Variants in DENND1A observed in about 807,000 individuals in gnomAD.
DENND1A encodes DENN domain-containing protein 1A.
Under a neutral mutation model 113.7 loss-of-function variants are expected in DENND1A, and 51 were observed. The observed-to-expected ratio is 0.45, with a 90% confidence interval of 0.36 to 0.57. The LOEUF is 0.57. Ranked by LOEUF, DENND1A falls within the 20% of genes least tolerant of loss-of-function variation. The pLI, the probability that DENND1A is intolerant of heterozygous loss-of-function variation, is 0.00. For synonymous variants in DENND1A, 565 were observed against 570.8 expected (o/e 0.99, Z 0.14); for missense variants, 1,258 against 1,395.9 (o/e 0.90, Z 1.57).
intron 2 of DENND1A, among the ~76,000 whole-genome samples, chr9:123,831,779 T>C (rs2132786921): frequency 1.3e-5 from 2 of 152,294 alleles, no homozygotes; most frequent in South Asian, 4.1e-4. Context: ...GGTCAGGTGT[T>C]CAAGACCAGC....
intron 2 of DENND1A, among the ~76,000 whole-genome samples, chr9:123,846,698 G>A (rs1842671141): frequency 6.6e-6 from 1 of 152,196 alleles, no homozygotes; most frequent in Admixed American, 6.5e-5. Context: ...GGTTAGGAAG[G>A]AAGGGAAAAT....
At chr9:123,656,737 C>T (rs562107313) in intron 8 of DENND1A, among the ~76,000 whole-genome samples, 4 of 152,294 alleles carry the variant, frequency 2.6e-5, no homozygotes, top group African/African-American at 9.6e-5. Flanking sequence ...GGCTGTAATG[C>T]CACCATGGCT....
intron 5 of DENND1A, among the ~76,000 whole-genome samples, chr9:123,711,681 C>T (rs2066645684): frequency 6.6e-6 from 1 of 151,692 alleles, no homozygotes; most frequent in South Asian, 2.1e-4. Flanking sequence ...ATGACCTCAT[C>T]ATTCTGACCT....
At chr9:123,740,311 T>G (rs1168450752) in intron 5 of DENND1A, among the ~76,000 whole-genome samples, 1 of 152,228 alleles carries the variant, frequency 6.6e-6, no homozygotes, top group Non-Finnish European at 1.5e-5. Context: ...CTGGTTTTCT[T>G]AATAACCTGT....
At chr9:123,424,378 C>G (rs191104118) in intron 19 of DENND1A, among the ~76,000 whole-genome samples, 2 of 152,276 alleles carry the variant, frequency 1.3e-5, no homozygotes, top group East Asian at 3.9e-4. Context: ...GCAGGACATC[C>G]GGCTGCCCGC....
chr9:123,701,935 T>C (rs2065906300), intron 5 of DENND1A, among the ~76,000 whole-genome samples: 1 of 152,198 alleles, frequency 6.6e-6, no homozygotes, highest in Non-Finnish European at 1.5e-5. Flanking sequence ...GGGAAACACG[T>C]TGTCACTAAA....
At chr9:123,686,742 T>C (rs2064835393) in intron 5 of DENND1A, among the ~76,000 whole-genome samples, 2 of 152,206 alleles carry the variant, frequency 1.3e-5, no homozygotes, top group South Asian at 4.1e-4. Flanking sequence ...TTTTAAGAAC[T>C]TTTTCTAGAA....
At chr9:123,505,062 T>C (rs1252896205) in intron 13 of DENND1A, among the ~76,000 whole-genome samples, 1 of 152,242 alleles carries the variant, frequency 6.6e-6, no homozygotes, top group African/African-American at 2.4e-5. Flanking sequence ...GACAGTCACA[T>C]ATTTCTGCAA....
intron 5 of DENND1A, among the ~76,000 whole-genome samples, chr9:123,739,918 A>G (rs2068858014): frequency 1.4e-5 from 2 of 138,464 alleles, no homozygotes; most frequent in African/African-American, 5.7e-5. Context: ...CCTGGTACAT[A>G]GGAGAAAAAA....
intron 1 of DENND1A, among the ~76,000 whole-genome samples, chr9:123,908,898 C>T (rs1444184765): frequency 3.2e-4 from 49 of 152,258 alleles, no homozygotes; most frequent in Non-Finnish European, 5.9e-4. Context: ...CACCTGCACA[C>T]GTATGTTTAT....
intron 7 of DENND1A, among the ~76,000 whole-genome samples, chr9:123,669,706 G>C (rs901439927): frequency 8.5e-5 from 13 of 152,204 alleles, no homozygotes; most frequent in African/African-American, 3.1e-4. Flanking sequence ...CAAAGGCAGG[G>C]TTGCTTAGCT....
chr9:123,414,396 A>G, intron 19 of DENND1A: 1 of 1,432,918 alleles, frequency 7.0e-7, no homozygotes, highest in Non-Finnish European at 9.1e-7. Flanking sequence ...AGAGGACTTA[A>G]AAAAATGTCC....
At chr9:123,830,882 A>T (rs1297545983) in intron 2 of DENND1A, among the ~76,000 whole-genome samples, 2 of 149,380 alleles carry the variant, frequency 1.3e-5, no homozygotes, top group Non-Finnish European at 3.0e-5. Context: ...TGAAAAAAAA[A>T]AAAAAAAAAA....
At chr9:123,876,797 C>T (rs913616061) in intron 2 of DENND1A, among the ~76,000 whole-genome samples, 3 of 152,028 alleles carry the variant, frequency 2.0e-5, no homozygotes, top group African/African-American at 7.3e-5. Flanking sequence ...GCACTATTTA[C>T]AATAGCAAAG....
At chr9:123,516,897 A>AAAAAAAAAAAAAAAAAAAAAAAG (rs2053967623) in intron 13 of DENND1A, among the ~76,000 whole-genome samples, 1 of 33,068 alleles carries the variant, frequency 3.0e-5, no homozygotes, top group Non-Finnish European at 1.2e-4. Flanking sequence ...AAAAAAAAAA[A>AAAAAAAAAAAAAAAAAAAAAAAG]AAAAAAAAAA....
At position 123,462,621 on chromosome 9, in the gene DENND1A, A is replaced by C. The variant is rs556803258; in HGVS notation, c.994-4724T>G. 1.0e-3 allele frequency among the ~76,000 whole-genome samples: 156 copies of C among 152,228 alleles called. 1 individual carries two copies. Among genetic ancestry groups the C allele is most frequent in the African/African-American group, 3.6e-3 (150 of 41,520 alleles). ...AGACCAGCTTGATCAACATGGTGAA[A>C]CCCTGTCTCTACTAAAAATACAAAA... On this transcript the variant is annotated intron_variant, in intron 13 of 23. Coordinates refer to ENST00000394215, the MANE Select transcript of DENND1A (RefSeq NM_001352964.2).
chr9:123,741,994 A>C (rs1300920645), intron 5 of DENND1A, among the ~76,000 whole-genome samples: 1 of 152,214 alleles, frequency 6.6e-6, no homozygotes, highest in African/African-American at 2.4e-5. Flanking sequence ...GACGTGTCCA[A>C]TTCAGGCCAG....
At chr9:123,491,108 C>A (rs1438707560) in intron 13 of DENND1A, among the ~76,000 whole-genome samples, 1 of 152,208 alleles carries the variant, frequency 6.6e-6, no homozygotes, top group East Asian at 1.9e-4. Flanking sequence ...GGGGAAATCA[C>A]CAGCAATGAT....
intron 21 of DENND1A, among the ~76,000 whole-genome samples, chr9:123,390,148 C>T (rs559035862): frequency 6.6e-5 from 10 of 152,374 alleles, no homozygotes; most frequent in Admixed American, 3.9e-4. Flanking sequence ...ACCATTTAAC[C>T]TCTTGTCACT....
Sources: allele counts gnomAD v4.1 joint callset (sites outside exome capture counted in the v4.1 genomes callset), GRCh38; gene constraint gnomAD v4.1.1; transcripts MANE v1.5; gene names NCBI Gene and HGNC (gene_info 2026-07-23, HGNC 2026-07-21).